Variants in ZSWIM5 observed in about 807,000 individuals in gnomAD.
ZSWIM5 encodes zinc finger SWIM domain-containing protein 5.
In ZSWIM5, 55 loss-of-function variants were observed where a neutral mutation model predicts 119.6. That is an observed-to-expected ratio of 0.46 (90% CI 0.37 to 0.58). The LOEUF is 0.58. ZSWIM5 is among the 20% of genes least tolerant of loss of function. ZSWIM5 has a pLI of 0.00. For missense variants in ZSWIM5, 1,193 were observed against 1,512.8 expected (o/e 0.79, Z 3.51); for synonymous variants, 537 against 606.9 (o/e 0.88, Z 1.69).
intron 1 of ZSWIM5, among the ~76,000 whole-genome samples, chr1:45,133,299 T>C (rs368123824): frequency 2.0e-5 from 3 of 152,292 alleles, no homozygotes; most frequent in Admixed American, 6.5e-5. Context: ...TTTTAATGAT[T>C]GCCATTCTAA....
rs1223413077 is a variant in ZSWIM5, at chr1:45,018,543, G to C, written c.3469C>G (p.Leu1157Val). The change falls in exon 14 of 14, where the codon CTG becomes GTG. Residue 1157 changes from leucine to valine, a missense_variant. Physicochemically the swap from Leu to Val is conservative, Grantham distance 32. Around this residue, in one of 2 missense-constraint regions of ZSWIM5, gnomAD observed 961 missense variants for 1,290.0 expected, o/e 0.74. Transcript: ENST00000359600. This position sits in a 1 kb window ranked among gnomAD's most constrained non-coding sequence, Gnocchi z 6.7. ...TTGTCGATGAACTGGGCAAACTGCA[G>C]GTGGCCATCCTGGGGCAGCAGGAAG... Reference protein sequence around the residue: ...ETFLLPQDGHLQFAQFIDNLK... With the variant: ...ETFLLPQDGHVQFAQFIDNLK... 2 of 1,614,092 alleles carry C rather than the reference G, an allele frequency of 1.2e-6. No homozygotes were observed. The highest frequency in any genetic ancestry group is 3.3e-5 in the Admixed American group (2 of 60,008).
chr1:45,149,178 T>A (rs1645780492), intron 1 of ZSWIM5, among the ~76,000 whole-genome samples: 1 of 152,102 alleles, frequency 6.6e-6, no homozygotes. Context: ...GCAGGAGGGC[T>A]GCTTGAGTCT....
At chr1:45,106,624 G>C (rs1023538660) in intron 1 of ZSWIM5, among the ~76,000 whole-genome samples, 4 of 151,446 alleles carry the variant, frequency 2.6e-5, no homozygotes, top group African/African-American at 9.7e-5. Flanking sequence ...TCTGGGAAGT[G>C]AGGCGCGCCT....
chr1:45,206,030 C>T lies in ZSWIM5; in HGVS notation c.321G>A (p.Arg107=). Residue 107 remains arginine, a synonymous_variant, in exon 1 of 14, where the codon CGG becomes CGA. Transcript: ENST00000359600. ...IVYWSFPRNE[R]EICMYSSFQY... is the part of the protein sequence containing the mutation. ...GGAAGCTGGAGTACATGCAGATCTC[C>T]CGCTCATTCCGCGGGAAGGACCAGT... 1.2e-6 allele frequency: 2 copies of T among 1,606,182 alleles called. No homozygotes were observed. The highest frequency in any genetic ancestry group is 4.6e-5 in the East Asian group (2 of 43,824).
intron 1 of ZSWIM5, among the ~76,000 whole-genome samples, chr1:45,174,199 C>T (rs1460022899): frequency 1.3e-5 from 2 of 151,814 alleles, no homozygotes; most frequent in African/African-American, 2.4e-5. Context: ...TGCTTGAACC[C>T]GGAGACAGAG....
chr1:45,206,239 C>G lies in ZSWIM5; in HGVS notation c.112G>C (p.Gly38Arg), dbSNP rs1424845535. The change falls in exon 1 of 14, where the codon GGG becomes CGG. Residue 38 changes from glycine (G) to arginine (R), a missense_variant. Gly to Arg is a moderately radical substitution (Grantham distance 125, BLOSUM62 -2). This residue lies in a region of ZSWIM5 where 232 missense variants were observed against 222.9 expected (regional missense o/e 1.04). Transcript: ENST00000359600. ...CCCCCTGCCCCTCCGCCGGCTGCCC[C>G]AGGCGAACCGCGAGGGTGATGAGCC... ...PQAHHPRGSP[G>R]AAGGGAGGVG... 1.0e-5 allele frequency: 16 copies of G among 1,584,596 alleles called. No individual in the cohort carries two copies. The African/African-American group carries it at 1.5e-4, about 15-fold the overall frequency.
At chr1:45,122,537 G>A (rs1645598901) in intron 1 of ZSWIM5, among the ~76,000 whole-genome samples, 1 of 152,062 alleles carries the variant, frequency 6.6e-6, no homozygotes, top group Non-Finnish European at 1.5e-5. Context: ...TCTGAAAGGT[G>A]GAGGGCAGAA....
intron 1 of ZSWIM5, among the ~76,000 whole-genome samples, chr1:45,183,996 T>G (rs1217344952): frequency 6.6e-6 from 1 of 152,102 alleles, no homozygotes; most frequent in African/African-American, 2.4e-5. Flanking sequence ...GCAAAAATCC[T>G]CAATAAAATA....
chr1:45,171,865 T>C (rs1645947891), intron 1 of ZSWIM5, among the ~76,000 whole-genome samples: 1 of 152,116 alleles, frequency 6.6e-6, no homozygotes, highest in Non-Finnish European at 1.5e-5. Flanking sequence ...GAAGTTATTT[T>C]AGCAAAATTT....
intron 1 of ZSWIM5, among the ~76,000 whole-genome samples, chr1:45,177,822 T>C (rs1482407362): frequency 1.3e-5 from 2 of 152,058 alleles, no homozygotes; most frequent in African/African-American, 4.8e-5. Context: ...ATACAATGCA[T>C]TCTATGGCAC....
chr1:45,178,196 C>A (rs904488916), intron 1 of ZSWIM5, among the ~76,000 whole-genome samples: 6 of 152,014 alleles, frequency 3.9e-5, no homozygotes, highest in Non-Finnish European at 7.4e-5. Flanking sequence ...GAGGCTGAGG[C>A]AAGCGGATCA....
At chr1:45,089,321 G>T (rs756191706) in intron 1 of ZSWIM5, among the ~76,000 whole-genome samples, 15 of 152,124 alleles carry the variant, frequency 9.9e-5, no homozygotes, top group Admixed American at 1.3e-4. Context: ...TTTGAAAAGA[G>T]TATGTATTCA....
intron 1 of ZSWIM5, among the ~76,000 whole-genome samples, chr1:45,125,803 T>C (rs1039483365): frequency 6.7e-6 from 1 of 148,684 alleles, no homozygotes; most frequent in Non-Finnish European, 1.5e-5. Context: ...CAATGGCTCA[T>C]GCCTATAATC....
chr1:45,058,596 G>C lies in ZSWIM5; in HGVS notation c.1252+13C>G. 1 of 1,614,108 alleles carries C rather than the reference G, an allele frequency of 6.2e-7. No individual in the cohort carries two copies. The highest frequency in any genetic ancestry group is 8.5e-7 in the Non-Finnish European group (1 of 1,179,982). ...GGTAGAACAAAGCACTTCTCTGAAT[G>C]ATGGGAACTTACCTAGCTCATCCCA... On this transcript the variant is annotated intron_variant, in intron 4 of 13. Coordinates refer to ENST00000359600, the MANE Select transcript of ZSWIM5 (RefSeq NM_020883.2).
rs1254584812 is a variant in ZSWIM5, at chr1:45,205,812, A to G, written c.539T>C (p.Phe180Ser). The change falls in exon 1 of 14, where the codon TTC becomes TCC. Residue 180 changes from phenylalanine (F) to serine (S), a missense_variant. Coordinates refer to ENST00000359600, the MANE Select transcript of ZSWIM5 (RefSeq NM_020883.2). The stretch of plus-strand genomic sequence containing the variant: ...GTCCAGCAGACGGATGCCCCGGCGG[A>G]ACGGGAGCCCCTCGCCACCGCAGCC... Reference protein sequence around the residue: ...AAGCGGEGLPFRRGIRLLDSG... With the variant: ...AAGCGGEGLPSRRGIRLLDSG... 2 of 1,539,606 alleles carry G rather than the reference A, an allele frequency of 1.3e-6. No homozygotes were observed. Among genetic ancestry groups the G allele is most frequent in the East Asian group, 2.6e-5 (1 of 38,672 alleles).
intron 1 of ZSWIM5, among the ~76,000 whole-genome samples, chr1:45,100,711 A>C (rs964003079): frequency 3.2e-4 from 49 of 152,168 alleles, no homozygotes; most frequent in African/African-American, 4.8e-5. Context: ...TATACAGACC[A>C]ATGGAACAGA....
intron 1 of ZSWIM5, among the ~76,000 whole-genome samples, chr1:45,156,163 T>C (rs1224132748): frequency 6.6e-6 from 1 of 152,118 alleles, no homozygotes; most frequent in African/African-American, 2.4e-5. Context: ...TGGAGACCAC[T>C]ATCCTAAGTG....
intron 2 of ZSWIM5, among the ~76,000 whole-genome samples, chr1:45,067,974 C>G (rs1411341922): frequency 6.6e-6 from 1 of 151,696 alleles, no homozygotes; most frequent in Non-Finnish European, 1.5e-5. Flanking sequence ...GAAAGGATGT[C>G]TTTTATAAAT....
intron 1 of ZSWIM5, among the ~76,000 whole-genome samples, chr1:45,093,605 G>A (rs1228032089): frequency 6.6e-6 from 1 of 152,210 alleles, no homozygotes; most frequent in Non-Finnish European, 1.5e-5. Context: ...GTGGCTCTGG[G>A]TAAGTTTCCT....
Sources: gnomAD v4.1 joint callset for allele counts (sites outside exome capture counted in the v4.1 genomes callset) on GRCh38, gnomAD v4.1.1 for gene constraint, gnomAD v4.1.1 regional missense constraint, Gnocchi (gnomAD v3.1) non-coding constraint, MANE v1.5 for transcripts, NCBI Gene and HGNC (gene_info 2026-07-23, HGNC 2026-07-21) for gene names.